OVOL2: variants seen among roughly 807,000 people sequenced by gnomAD.
OVOL2 encodes transcription factor Ovo-like 2.
Under a neutral mutation model 18.1 loss-of-function variants are expected in OVOL2, and 13 were observed. That is an observed-to-expected ratio of 0.72 (90% CI 0.47 to 1.14). The LOEUF is 1.14. OVOL2 is among the 50% of genes most tolerant of loss of function. The probability of loss-of-function intolerance (pLI) is 0.00; values close to 1 mark genes in which losing one functional copy is unlikely to be tolerated. For missense variants in OVOL2, 335 were observed against 383.0 expected (o/e 0.87, Z 1.05); for synonymous variants, 166 against 162.7 (o/e 1.02, Z -0.16).
intron 3 of OVOL2, among the ~76,000 whole-genome samples, chr20:18,031,257 C>G (rs2036568141): frequency 6.6e-6 from 1 of 152,176 alleles, no homozygotes; most frequent in African/African-American, 2.4e-5. Flanking sequence ...TCACCTGTCA[C>G]AGGGGTGTCA....
In OVOL2 at chr20:18,056,598, C is replaced by G; in HGVS notation, c.321+59G>C. 7.6e-7 allele frequency: 1 copy of G among 1,315,252 alleles called. No individual in the cohort carries two copies. 81.5% of individuals were successfully genotyped at this position (1,315,252 alleles called of 1,614,324 possible). A position where few individuals can be genotyped will look rare whatever the true frequency, so the allele number is the denominator to read the frequency against. ...GCGCGGCAGGGAGGGGCGCCGGCCTCGGGAGCCCGACGCCAGGGCGTGGTG... is the reference window on the plus strand; with the variant it reads ...GCGCGGCAGGGAGGGGCGCCGGCCTGGGGAGCCCGACGCCAGGGCGTGGTG... On this transcript the variant is annotated intron_variant, in intron 2 of 3. Transcript: ENST00000278780. The surrounding 1 kb of genome is among the most constrained non-coding windows in gnomAD (Gnocchi z 4.2).
At chr20:18,054,415 C>T (rs2036798079) in intron 2 of OVOL2, among the ~76,000 whole-genome samples, 1 of 152,208 alleles carries the variant, frequency 6.6e-6, no homozygotes, top group African/African-American at 2.4e-5. Context: ...CTCAAACCTG[C>T]CCTTCTTGTG....
At position 18,047,813 on chromosome 20, in the gene OVOL2, C is replaced by T. The variant is rs1311158249; in HGVS notation, c.322-6090G>A. ...AGGTTGCAGTGAGCTGAGATTGCGC[C>T]ATTGCACTCCAGCCCAGGCGACAGA... On this transcript the variant is annotated intron_variant, in intron 2 of 3. Coordinates refer to ENST00000278780, the MANE Select transcript of OVOL2 (RefSeq NM_021220.4). Among the ~76,000 whole-genome samples the T allele has an allele frequency of 4.2e-5, 5 of 119,358 alleles. No individual in the cohort carries two copies. In the East Asian group the frequency reaches 7.9e-4, roughly 19 times the overall value. 78.3% of individuals were successfully genotyped at this position (119,358 alleles called of 152,430 possible).
chr20:18,032,063 TA>T (rs888366314), intron 3 of OVOL2, among the ~76,000 whole-genome samples: 7 of 150,798 alleles, frequency 4.6e-5, no homozygotes, highest in African/African-American at 9.8e-5. Flanking sequence ...GCAATGGCCA[TA>T]AAAAAAAATC....
At chr20:18,046,008 C>G (rs2036721528) in intron 2 of OVOL2, among the ~76,000 whole-genome samples, 1 of 152,046 alleles carries the variant, frequency 6.6e-6, no homozygotes, top group Non-Finnish European at 1.5e-5. Context: ...TGTGGCACAC[C>G]CTCCAATCCA....
At chr20:18,040,405 T>C (rs1238870341) in intron 3 of OVOL2, among the ~76,000 whole-genome samples, 1 of 151,834 alleles carries the variant, frequency 6.6e-6, no homozygotes, top group Non-Finnish European at 1.5e-5. Context: ...TGGGCTGAGA[T>C]AGGATGGGGA....
chr20:18,025,009 C>A, intron 3 of OVOL2, 57 bp from the exon 4 acceptor site: 1 of 1,547,512 alleles, frequency 6.5e-7, no homozygotes, highest in Non-Finnish European at 8.8e-7. Flanking sequence ...CCAGAACCAC[C>A]CAACTATGAA....
At position 18,024,808 on chromosome 20, in the gene OVOL2, C is replaced by T; in HGVS notation, c.656G>A (p.Cys219Tyr). ...RRDKLYVCED[C>Y]GYTGPTQEDL... ...CTCCTGGGTGGGGCCCGTGTAGCCG[C>T]AATCCTCGCAGACGTAGAGCTTGTC... Residue 219 changes from cysteine to tyrosine, a missense_variant, in exon 4 of 4, where the codon TGC becomes TAC. Cys to Tyr is a radical substitution (Grantham distance 194). Transcript: ENST00000278780. 6.2e-7 allele frequency: 1 copy of T among 1,614,198 alleles called. No individual in the cohort carries two copies. The highest frequency in any genetic ancestry group is 1.7e-5 in the Admixed American group (1 of 60,022).
intron 3 of OVOL2, among the ~76,000 whole-genome samples, chr20:18,027,546 G>GTAAA (rs1264637030): frequency 2.7e-5 from 4 of 149,604 alleles, no homozygotes; most frequent in South Asian, 4.2e-4. Flanking sequence ...AAAAAAATAA[G>GTAAA]TAAATAAATA....
At chr20:18,049,347 CA>C (rs1313675189) in intron 2 of OVOL2, among the ~76,000 whole-genome samples, 1 of 151,534 alleles carries the variant, frequency 6.6e-6, no homozygotes, top group Non-Finnish European at 1.5e-5. Context: ...AAGGTGAAAA[CA>C]ACGACAAAAA....
Position 18,024,624 on chromosome 20 carries a change from C to G in OVOL2, c.*12G>C, listed in dbSNP as rs554489021. The G allele has an allele frequency of 1.5e-5, 24 of 1,571,010 alleles. No homozygotes were observed. In the South Asian group the frequency reaches 2.7e-4, roughly 18 times the overall value. The stretch of plus-strand genomic sequence containing the variant: ...GTGGCAGTGTGAACGTCTGTCCTCC[C>G]CTTCCTTCTCCTCACTTCCTCTCCT... On this transcript the variant is annotated 3_prime_UTR_variant, in exon 4 of 4. Transcript: ENST00000278780.
intron 2 of OVOL2, among the ~76,000 whole-genome samples, chr20:18,051,994 C>A (rs2036775781): frequency 1.3e-5 from 2 of 152,174 alleles, no homozygotes; most frequent in Admixed American, 6.5e-5. Context: ...CCCGCCTCGG[C>A]CTCCCAAAGT....
At chr20:18,045,419 T>C (rs2036716268) in intron 2 of OVOL2, among the ~76,000 whole-genome samples, 2 of 152,240 alleles carry the variant, frequency 1.3e-5, no homozygotes, top group African/African-American at 4.8e-5. Flanking sequence ...ACATGAATTC[T>C]TGTTTAATCT....
At chr20:18,043,162 T>C (rs1445173745) in intron 2 of OVOL2, among the ~76,000 whole-genome samples, 2 of 151,662 alleles carry the variant, frequency 1.3e-5, no homozygotes, top group Non-Finnish European at 2.9e-5. Context: ...CAGAAAGGAG[T>C]CTGGGTCCTC....
chr20:18,026,753 G>T (rs1600431789), intron 3 of OVOL2, among the ~76,000 whole-genome samples: 1 of 152,110 alleles, frequency 6.6e-6, no homozygotes, highest in Admixed American at 6.6e-5. Flanking sequence ...CACAGGTTAG[G>T]GTCTTTAAGA....
chr20:18,056,761 A>G lies in OVOL2; in HGVS notation c.217T>C (p.Ser73Pro). Residue 73 changes from serine to proline, a missense_variant, in exon 2 of 4, where the codon TCC becomes CCC. Transcript: ENST00000278780. The surrounding 1 kb of genome is among the most constrained non-coding windows in gnomAD (Gnocchi z 4.2). ...GEPGGAESSS[S>P]PHAPESETPE... ...GTTTCGCTCTCGGGGGCGTGCGGGG[A>G]CGAGCTGCTCTCTGCTCCTCCAGGC... is the stretch of plus-strand genomic sequence containing the variant. The G allele has an allele frequency of 1.3e-6, 2 of 1,495,298 alleles. No individual in the cohort carries two copies. Among genetic ancestry groups the G allele is most frequent in the Admixed American group, 2.3e-5 (1 of 43,688 alleles). The allele number at this position is 1,495,298 out of a possible 1,614,324, so 92.6% of individuals were successfully genotyped here.
chr20:18,050,139 A>G (rs963654084), intron 2 of OVOL2, among the ~76,000 whole-genome samples: 3 of 151,886 alleles, frequency 2.0e-5, no homozygotes, highest in Admixed American at 6.6e-5. Flanking sequence ...ATCTATCCCA[A>G]CTCCTTTTGG....
intron 2 of OVOL2, among the ~76,000 whole-genome samples, chr20:18,045,143 C>T (rs1006160608): frequency 3.3e-5 from 5 of 152,206 alleles, no homozygotes; most frequent in African/African-American, 9.7e-5. Context: ...CTATCACCCA[C>T]GCAGTTCATG....
At chr20:18,054,718 A>G (rs1475686092) in intron 2 of OVOL2, among the ~76,000 whole-genome samples, 1 of 148,136 alleles carries the variant, frequency 6.8e-6, no homozygotes, top group Non-Finnish European at 1.5e-5. Flanking sequence ...CTCAGCTAAG[A>G]TCCAGCCATT....
Sources: allele counts gnomAD v4.1 joint callset (sites outside exome capture counted in the v4.1 genomes callset), GRCh38; gene constraint gnomAD v4.1.1; non-coding constraint Gnocchi (gnomAD v3.1); transcripts MANE v1.5; gene names NCBI Gene and HGNC (gene_info 2026-07-23, HGNC 2026-07-21).